The following GMEB2 variants were observed in gnomAD, a reference collection of about 807,000 sequenced individuals.
The protein encoded by GMEB2 is glucocorticoid modulatory element-binding protein 2.
In GMEB2, 7 loss-of-function variants were observed where a neutral mutation model predicts 45.7. That is an observed-to-expected ratio of 0.15 (90% CI 0.09 to 0.29). The LOEUF (loss-of-function observed/expected upper bound fraction) is 0.29, where lower values mean the gene tolerates loss of function less well. GMEB2 is among the 10% of genes least tolerant of loss of function. The pLI is 1.00. For synonymous variants in GMEB2, 322 were observed against 323.6 expected, an observed-to-expected ratio of 1.00 and a Z score of 0.05; for missense variants, 582 against 739.2, an observed-to-expected ratio of 0.79 and a Z score of 2.47.
chr20:63,614,075 G>A (rs7274964), intron 2 of GMEB2, among the ~76,000 whole-genome samples: 2,329 of 152,162 alleles, frequency 0.015, 59 homozygotes, highest in African/African-American at 0.05. Context: ...TGGTATGGGC[G>A]GCAAGCCACC....
rs1327857131 is a variant in GMEB2 at position 63,619,422 on chromosome 20, G to A, written c.-25C>T. The A allele has an allele frequency of 5.0e-6, 8 of 1,604,242 alleles. No individual in the cohort carries two copies. The Admixed American group carries it at 6.7e-5, about 13-fold the overall frequency. On this transcript the variant is annotated 5_prime_UTR_variant, in exon 2 of 10. Coordinates refer to ENST00000370077, the MANE Select transcript of GMEB2 (RefSeq NM_012384.5). The surrounding 1 kb of genome is among the most constrained non-coding windows in gnomAD (Gnocchi z 4.6). ...TGGCTCAGCGGAAGGGGACGCCCAG[G>A]CCAGCAGCGTCAGTCCTCCAGGGTC...
intron 2 of GMEB2, among the ~76,000 whole-genome samples, chr20:63,605,908 T>C (rs1239442636): frequency 2.0e-5 from 3 of 152,062 alleles, no homozygotes; most frequent in Admixed American, 1.3e-4. Flanking sequence ...TGAGCCGAGA[T>C]TGTACCACTG....
chr20:63,624,513 C>T (rs1229044442), intron 1 of GMEB2, among the ~76,000 whole-genome samples: 1 of 152,120 alleles, frequency 6.6e-6, no homozygotes, highest in Non-Finnish European at 1.5e-5. Flanking sequence ...GGGTTTAACT[C>T]TCACTGAGGA....
intron 5 of GMEB2, among the ~76,000 whole-genome samples, chr20:63,596,190 A>C (rs1466314437): frequency 6.6e-6 from 1 of 152,224 alleles, no homozygotes; most frequent in Non-Finnish European, 1.5e-5. Flanking sequence ...TTCCAGGAGA[A>C]CCTTCCTCCT....
Position 63,597,912 on chromosome 20 carries a change from G to A in GMEB2, c.358-52C>T, listed in dbSNP as rs540024622. 9 of 1,062,096 alleles carry A rather than the reference G, an allele frequency of 8.5e-6. No individual in the cohort carries two copies. In the East Asian group the frequency reaches 1.9e-4, roughly 22 times the overall value. 65.8% of individuals were successfully genotyped at this position (1,062,096 alleles called of 1,614,324 possible). The stretch of plus-strand genomic sequence containing the variant: ...AAGCTTGGCCGGGACACCACATAGG[G>A]TGCCCCCATCTCCCATCCGACCCTG... On this transcript the variant is annotated intron_variant, in intron 4 of 9. Transcript: ENST00000370077.
chr20:63,615,861 T>C (rs1158832028), intron 2 of GMEB2, among the ~76,000 whole-genome samples: 1 of 152,084 alleles, frequency 6.6e-6, no homozygotes, highest in African/African-American at 2.4e-5. Context: ...CTTTTCAACA[T>C]GTACGTGAGT....
At chr20:63,616,402 C>T (rs2089608677) in intron 2 of GMEB2, among the ~76,000 whole-genome samples, 1 of 152,198 alleles carries the variant, frequency 6.6e-6, no homozygotes, top group African/African-American at 2.4e-5. Context: ...CGAGATCATG[C>T]CACTGCACTC....
intron 2 of GMEB2, among the ~76,000 whole-genome samples, chr20:63,610,119 T>C (rs2089557859): frequency 6.6e-6 from 1 of 152,162 alleles, no homozygotes; most frequent in African/African-American, 2.4e-5. Context: ...TCTGGGGAGA[T>C]GATGTGGAGA....
chr20:63,617,033 G>A (rs1350032533), intron 2 of GMEB2, among the ~76,000 whole-genome samples: 1 of 151,546 alleles, frequency 6.6e-6, no homozygotes, highest in Admixed American at 6.6e-5. Context: ...GGAGTACAGT[G>A]GCACGATCAC....
chr20:63,602,790 C>T (rs1569052721), intron 4 of GMEB2, among the ~76,000 whole-genome samples, 175 bp downstream of exon 4: 1 of 152,158 alleles, frequency 6.6e-6, no homozygotes, highest in Non-Finnish European at 1.5e-5. Context: ...CTCCCTGCCA[C>T]AGTGCACTGT....
chr20:63,596,811 T>A (rs773215647), intron 5 of GMEB2, among the ~76,000 whole-genome samples: 5 of 152,138 alleles, frequency 3.3e-5, no homozygotes, highest in Admixed American at 6.5e-5. Context: ...TGAGGTCAAG[T>A]GTTCGAGACC....
In GMEB2 at chr20:63,619,074, T is replaced by C. The variant is rs1371295502; in HGVS notation, c.131+193A>G. 6.6e-6 allele frequency among the ~76,000 whole-genome samples: 1 copy of C among 152,204 alleles called. No homozygotes were observed. The highest frequency in any genetic ancestry group is 2.4e-5 in the African/African-American group (1 of 41,464). ...CGGGAGGCCTCCCCGCAGCTGCAGC[T>C]GGGTCTTCTGGTCCCCGTGCCATTT... On this transcript the variant is annotated intron_variant, in intron 2 of 9. Coordinates refer to ENST00000370077, the MANE Select transcript of GMEB2 (RefSeq NM_012384.5). The surrounding 1 kb of genome is among the most constrained non-coding windows in gnomAD (Gnocchi z 4.6).
Position 63,619,972 on chromosome 20 carries a change from G to C in GMEB2, c.-57-518C>G, listed in dbSNP as rs534668316. On this transcript the variant is annotated intron_variant, in intron 1 of 9. Coordinates refer to ENST00000370077, the MANE Select transcript of GMEB2 (RefSeq NM_012384.5). This position sits in a 1 kb window ranked among gnomAD's most constrained non-coding sequence, Gnocchi z 4.6. Reference sequence around the variant, plus strand: ...GGGTTTTTGGGTTTTTTTTGAGACGGAGTCTCGCTCTGTCGCCCAGGCTGG... The same window carrying C: ...GGGTTTTTGGGTTTTTTTTGAGACGCAGTCTCGCTCTGTCGCCCAGGCTGG... The C allele has an allele frequency of 1.3e-5, 2 of 152,606 alleles. No individual in the cohort carries two copies. Among genetic ancestry groups the C allele is most frequent in the South Asian group, 4.1e-4 (2 of 4,846 alleles). The allele number at this position is 152,606 out of a possible 1,614,324, so 9.5% of individuals were successfully genotyped here. A position where few individuals can be genotyped will look rare whatever the true frequency, so the allele number is the denominator to read the frequency against.
In GMEB2 at chr20:63,592,109, C is replaced by T. The variant is rs991103616; in HGVS notation, c.865G>A (p.Gly289Ser). 8 of 1,613,348 alleles carry T rather than the reference C, an allele frequency of 5.0e-6. No homozygotes were observed. The highest frequency in any genetic ancestry group is 6.8e-6 in the Non-Finnish European group (8 of 1,179,662). ...VLLNNIVQNFGMLDLVKKVLA... is the reference protein window; with the variant it reads ...VLLNNIVQNFSMLDLVKKVLA... ...ACCTTCTTCACCAGGTCCAGCATGCCGAAGTTCTGCACGATGTTGTTGAGA... is the reference window on the plus strand; with the variant it reads ...ACCTTCTTCACCAGGTCCAGCATGCTGAAGTTCTGCACGATGTTGTTGAGA... Residue 289 changes from glycine to serine, a missense_variant, in exon 9 of 10, where the codon GGC becomes AGC. By Grantham distance (56) the Gly-to-Ser change is moderately conservative. Coordinates refer to ENST00000370077, the MANE Select transcript of GMEB2 (RefSeq NM_012384.5). The surrounding 1 kb of genome is among the most constrained non-coding windows in gnomAD (Gnocchi z 8.2).
chr20:63,625,880 G>A (rs2089667768), intron 1 of GMEB2, among the ~76,000 whole-genome samples: 1 of 152,340 alleles, frequency 6.6e-6, no homozygotes, highest in South Asian at 2.1e-4. Flanking sequence ...ACAGGTGTGA[G>A]CCATCACACC....
chr20:63,612,886 C>A (rs149810900), intron 2 of GMEB2, among the ~76,000 whole-genome samples: 159 of 152,352 alleles, frequency 1.0e-3, no homozygotes, highest in African/African-American at 3.6e-3. Flanking sequence ...AACCACGAAC[C>A]AACCAACAGA....
intron 1 of GMEB2, 113 bp downstream of exon 1, chr20:63,626,842 TC>T (rs955911225): frequency 7.4e-6 from 1 of 134,724 alleles, no homozygotes; most frequent in Non-Finnish European, 1.6e-5. Context: ...GGCCCTCCCC[TC>T]CCCCCGCCGT....
chr20:63,607,308 C>A (rs1358923008), intron 2 of GMEB2, among the ~76,000 whole-genome samples: 9 of 118,508 alleles, frequency 7.6e-5, no homozygotes, highest in South Asian at 5.7e-4. Context: ...TGACCCACAC[C>A]TCCATTTCTA....
chr20:63,598,255 T>C (rs1184092816), intron 4 of GMEB2, among the ~76,000 whole-genome samples: 1 of 152,066 alleles, frequency 6.6e-6, no homozygotes, highest in Non-Finnish European at 1.5e-5. Context: ...TGCCAGCACA[T>C]GGGTGGAGCT....
Sources: allele counts gnomAD v4.1 joint callset (sites outside exome capture counted in the v4.1 genomes callset), GRCh38; gene constraint gnomAD v4.1.1; non-coding constraint Gnocchi (gnomAD v3.1); transcripts MANE v1.5; gene names NCBI Gene and HGNC (gene_info 2026-07-23, HGNC 2026-07-21).